The following TRIM42 variants were observed in gnomAD, a reference collection of about 807,000 sequenced individuals.
The protein encoded by TRIM42 is tripartite motif-containing protein 42.
A neutral mutation model predicts 64.9 loss-of-function variants in TRIM42; 59 were observed. The observed-to-expected ratio is 0.91, with a 90% CI of 0.74 to 1.13. TRIM42 has a LOEUF of 1.13. TRIM42 is among the 50% of genes most tolerant of loss of function. The pLI is 0.00. For synonymous variants in TRIM42, 354 were observed against 346.3 expected, an observed-to-expected ratio of 1.02 and a Z score of -0.25; for missense variants, 878 against 929.5, an observed-to-expected ratio of 0.94 and a Z score of 0.72.
chr3:140,683,808 A>T (rs535059632), intron 2 of TRIM42, among the ~76,000 whole-genome samples: 16 of 152,210 alleles, frequency 1.1e-4, no homozygotes, highest in Non-Finnish European at 1.5e-4. Flanking sequence ...TTTCCTCTGC[A>T]TGCTTGTTCA....
chr3:140,697,585 G>C (rs1310871488), intron 4 of TRIM42, among the ~76,000 whole-genome samples: 1 of 152,170 alleles, frequency 6.6e-6, no homozygotes, highest in Non-Finnish European at 1.5e-5. Flanking sequence ...TCACCATGTA[G>C]TGAACCAGTT....
At chr3:140,684,851 G>A (rs1360498170) in intron 2 of TRIM42, among the ~76,000 whole-genome samples, 5 of 152,118 alleles carry the variant, frequency 3.3e-5, no homozygotes, top group East Asian at 3.9e-4. Flanking sequence ...AGGCACTGCC[G>A]CCTACAACCT....
At chr3:140,682,359 C>A in intron 1 of TRIM42, 103 bp from the exon 2 acceptor site, 1 of 1,163,368 alleles carries the variant, frequency 8.6e-7, no homozygotes, top group Non-Finnish European at 1.2e-6. Flanking sequence ...CTCACCACCA[C>A]ACTAGACTGC....
chr3:140,679,491 C>T (rs540940196), intron 1 of TRIM42, among the ~76,000 whole-genome samples: 13 of 152,194 alleles, frequency 8.5e-5, no homozygotes, highest in Non-Finnish European at 1.5e-4. Flanking sequence ...AGTTTGAAGG[C>T]TTTCAAGCCT....
chr3:140,687,472 T>C (rs1308823172), intron 2 of TRIM42, among the ~76,000 whole-genome samples: 2 of 152,160 alleles, frequency 1.3e-5, no homozygotes, highest in Non-Finnish European at 2.9e-5. Flanking sequence ...CTCAAGGCCA[T>C]AGGGATTACT....
rs144842999 is a variant in TRIM42, at chr3:140,693,858, G to A, written c.2085+2666G>A. On this transcript the variant is annotated intron_variant, in intron 4 of 4. Transcript: ENST00000286349. ...AAATTAACTTTAATGATTTTGAAAGGTCCCATTTGAAGGTCATTTTTATGT... is the reference window on the plus strand; with the variant it reads ...AAATTAACTTTAATGATTTTGAAAGATCCCATTTGAAGGTCATTTTTATGT... Among the ~76,000 whole-genome samples, 70 of 152,300 alleles carry A rather than the reference G, an allele frequency of 4.6e-4. 1 individual carries two copies. Among genetic ancestry groups the A allele is most frequent in the African/African-American group, 1.7e-3 (69 of 41,546 alleles).
intron 3 of TRIM42, 38 bp from the exon 4 acceptor site, chr3:140,690,930 A>T: frequency 2.6e-6 from 4 of 1,512,610 alleles, no homozygotes; most frequent in Non-Finnish European, 3.7e-6. Context: ...TGAATGATGT[A>T]TACTAGTACC....
chr3:140,687,957 T>C lies in TRIM42; in HGVS notation c.1275T>C (p.Gly425=), dbSNP rs1440779731. The C allele has an allele frequency of 1.2e-6, 2 of 1,614,186 alleles. No individual in the cohort carries two copies. Among genetic ancestry groups the C allele is most frequent in the Non-Finnish European group, 8.5e-7 (1 of 1,180,028 alleles). The part of the protein sequence containing the change: ...VTTMKVNEMD[G]LIAYSKEALK... ...CCATGAAAGTGAACGAGATGGATGG[T>C]CTGATCGCCTACTCCAAGGAAGCCC... is the stretch of plus-strand genomic sequence containing the variant. Residue 425 remains glycine, a synonymous_variant, in exon 3 of 5, where the codon GGT becomes GGC. Transcript: ENST00000286349.
At chr3:140,694,582 A>G (rs1049930832) in intron 4 of TRIM42, among the ~76,000 whole-genome samples, 6 of 152,198 alleles carry the variant, frequency 3.9e-5, no homozygotes, top group Admixed American at 6.5e-5. Context: ...TGACAAATCT[A>G]ACTGCCTATC....
Position 140,682,737 on chromosome 3 carries a change from C to A in TRIM42, c.617C>A (p.Pro206His). 1 of 1,612,846 alleles carries A rather than the reference C, an allele frequency of 6.2e-7. No individual in the cohort carries two copies. The highest frequency in any genetic ancestry group is 8.5e-7 in the Non-Finnish European group (1 of 1,180,022). The change falls in exon 2 of 5, where the codon CCC becomes CAC. Residue 206 changes from proline (P) to histidine (H), a missense_variant. By Grantham distance (77) the Pro-to-His change is moderately conservative (BLOSUM62 -2). Coordinates refer to ENST00000286349, the MANE Select transcript of TRIM42 (RefSeq NM_152616.5). ...CCCTACAGCAACAAGATGCAGCTGC[C>A]CGAGAACTACCTGCACGGGCGTCTC... ...CMPYSNKMQLPENYLHGRLTK... is the reference protein window; with the variant it reads ...CMPYSNKMQLHENYLHGRLTK...
chr3:140,681,867 TAA>T (rs11369639), intron 1 of TRIM42, among the ~76,000 whole-genome samples: 8 of 144,570 alleles, frequency 5.5e-5, no homozygotes, highest in African/African-American at 2.0e-4. Flanking sequence ...CAAAAGTTGT[TAA>T]AAAAAAAAAA....
chr3:140,682,383 A>G (rs1988421332), intron 1 of TRIM42, 79 bp from the exon 2 acceptor site: 3 of 1,421,986 alleles, frequency 2.1e-6, no homozygotes, highest in Admixed American at 1.9e-5. Flanking sequence ...TCAGGAACCA[A>G]GAGTTCTTTC....
At chr3:140,694,022 C>T (rs1022395923) in intron 4 of TRIM42, among the ~76,000 whole-genome samples, 54 of 152,190 alleles carry the variant, frequency 3.5e-4, no homozygotes, top group Non-Finnish European at 2.6e-4. Context: ...AAAATGAGGC[C>T]TCATAGAAGG....
rs746325715 is a variant in TRIM42, at chr3:140,682,631, C to A, written c.511C>A (p.Arg171=). The A allele has an allele frequency of 2.5e-6, 4 of 1,614,102 alleles. No individual in the cohort carries two copies. Among genetic ancestry groups the A allele is most frequent in the Non-Finnish European group, 3.4e-6 (4 of 1,180,050 alleles). ...CNHSLCEKCL[R]QLQKHAEVTE... ...CCACAGCCTGTGCGAGAAGTGCCTGCGGCAGCTGCAGAAGCACGCCGAGGT... is the reference window on the plus strand; with the variant it reads ...CCACAGCCTGTGCGAGAAGTGCCTGAGGCAGCTGCAGAAGCACGCCGAGGT... Residue 171 remains arginine (R), a synonymous_variant, in exon 2 of 5, where the codon CGG becomes AGG. Coordinates refer to ENST00000286349, the MANE Select transcript of TRIM42 (RefSeq NM_152616.5).
In TRIM42 at chr3:140,683,075, A is replaced by C. The variant is rs772697187; in HGVS notation, c.955A>C (p.Asn319His). 1.2e-5 allele frequency: 19 copies of C among 1,614,018 alleles called. No homozygotes were observed. In the East Asian group the frequency reaches 4.2e-4, roughly 36 times the overall value. The change falls in exon 2 of 5, where the codon AAT becomes CAT. Residue 319 changes from asparagine (N) to histidine (H), a missense_variant. Transcript: ENST00000286349. ...CACCTTCTGCAAGTTCTCTTTCCAC[A>C]ATGGCCACGACACCATTAGCCTCAT... ...LCTFCKFSFH[N>H]GHDTISLIDA...
chr3:140,690,983 C>A lies in TRIM42; in HGVS notation c.1876C>A (p.Pro626Thr). ...TCTTCCATAGGTTTACTGGACATGT[C>A]CAGCAGAAGACGTGGACTCTTTTGA... is the stretch of plus-strand genomic sequence containing the variant. Reference protein sequence around the residue: ...PRAAKVYWTCPAEDVDSFEME... With the variant: ...PRAAKVYWTCTAEDVDSFEME... The change falls in exon 4 of 5, where the codon CCA (proline) becomes ACA (threonine). Residue 626 changes from proline to threonine, a missense_variant. Physicochemically the swap from Pro to Thr is conservative, Grantham distance 38. Coordinates refer to ENST00000286349, the MANE Select transcript of TRIM42 (RefSeq NM_152616.5). 1 of 1,613,682 alleles carries A rather than the reference C, an allele frequency of 6.2e-7. No individual in the cohort carries two copies. Among genetic ancestry groups the A allele is most frequent in the Non-Finnish European group, 8.5e-7 (1 of 1,179,656 alleles).
chr3:140,697,400 TA>T (rs1988879105), intron 4 of TRIM42, among the ~76,000 whole-genome samples: 1 of 152,232 alleles, frequency 6.6e-6, no homozygotes, highest in African/African-American at 2.4e-5. Flanking sequence ...AAGTTTTATT[TA>T]AAAAGTCTTT....
At chr3:140,685,384 G>A (rs981481603) in intron 2 of TRIM42, among the ~76,000 whole-genome samples, 4 of 152,318 alleles carry the variant, frequency 2.6e-5, no homozygotes, top group East Asian at 1.9e-4. Flanking sequence ...AGCCAAGGTC[G>A]AGAACCACTG....
chr3:140,681,858 A>G (rs1988402793), intron 1 of TRIM42, among the ~76,000 whole-genome samples: 1 of 126,828 alleles, frequency 7.9e-6, no homozygotes, highest in Non-Finnish European at 1.6e-5. Flanking sequence ...AGAGTGACCC[A>G]AAAGTTGTTA....
Sources: gnomAD v4.1 joint callset for allele counts (sites outside exome capture counted in the v4.1 genomes callset) on GRCh38, gnomAD v4.1.1 for gene constraint, MANE v1.5 for transcripts, NCBI Gene and HGNC (gene_info 2026-07-23, HGNC 2026-07-21) for gene names.